Variants in SIL1 observed in about 807,000 individuals in gnomAD.
SIL1 encodes SIL1 nucleotide exchange factor.
In SIL1, 40 loss-of-function variants were observed where a neutral mutation model predicts 49.1. The ratio of observed to expected loss-of-function variants is 0.81; its 90% CI spans 0.63 to 1.06. SIL1 has a LOEUF of 1.06. Ranked by LOEUF, SIL1 falls within the 50% of genes least tolerant of loss-of-function variation. SIL1 has a pLI of 0.00. For synonymous variants in SIL1, 253 were observed against 250.8 expected, an observed-to-expected ratio of 1.01 and a Z score of -0.08; for missense variants, 500 against 572.6, an observed-to-expected ratio of 0.87 and a Z score of 1.29.
intron 3 of SIL1, among the ~76,000 whole-genome samples, chr5:139,075,341 C>T (rs910456023): frequency 5.3e-5 from 8 of 152,146 alleles, no homozygotes; most frequent in African/African-American, 1.9e-4. Context: ...TATTTTCCCT[C>T]TGCAGCAGGA....
chr5:138,962,089 C>G (rs1767032287), intron 7 of SIL1, among the ~76,000 whole-genome samples: 1 of 151,146 alleles, frequency 6.6e-6, no homozygotes, highest in African/African-American at 2.4e-5. Context: ...AGAATTAAAG[C>G]AAGTGAAGAA....
chr5:139,095,092 T>G (rs890789600), intron 3 of SIL1, among the ~76,000 whole-genome samples: 9 of 152,178 alleles, frequency 5.9e-5, no homozygotes, highest in African/African-American at 2.2e-4. Flanking sequence ...CTGGCTCACT[T>G]GATACCCTTG....
At chr5:139,066,992 T>C (rs762876789) in intron 3 of SIL1, among the ~76,000 whole-genome samples, 3 of 152,210 alleles carry the variant, frequency 2.0e-5, no homozygotes, top group African/African-American at 7.2e-5. Flanking sequence ...TTTTCCCCAA[T>C]AGATTGTATT....
chr5:139,040,951 A>C (rs1769034782), intron 5 of SIL1, among the ~76,000 whole-genome samples: 1 of 152,214 alleles, frequency 6.6e-6, no homozygotes, highest in African/African-American at 2.4e-5. Context: ...CTCCCAGGGA[A>C]AGCAAAGAGA....
At chr5:139,197,238 A>C (rs955838172) in intron 1 of SIL1, among the ~76,000 whole-genome samples, 4 of 143,426 alleles carry the variant, frequency 2.8e-5, no homozygotes, top group Non-Finnish European at 1.5e-5. Flanking sequence ...ATTGCACTCC[A>C]GCCTGAGAAA....
intron 3 of SIL1, among the ~76,000 whole-genome samples, chr5:139,089,628 G>T (rs1050581007): frequency 6.6e-6 from 1 of 152,190 alleles, no homozygotes; most frequent in Non-Finnish European, 1.5e-5. Flanking sequence ...CCATAAAAAG[G>T]CATGAAGTAT....
chr5:139,152,433 C>T (rs923502302), intron 1 of SIL1, among the ~76,000 whole-genome samples: 2 of 151,938 alleles, frequency 1.3e-5, no homozygotes, highest in East Asian at 3.9e-4. Flanking sequence ...CCAGCCTGGC[C>T]AACATGGTGA....
chr5:138,984,121 A>G (rs1294613133), intron 7 of SIL1, among the ~76,000 whole-genome samples: 2 of 152,212 alleles, frequency 1.3e-5, no homozygotes, highest in Non-Finnish European at 2.9e-5. Flanking sequence ...TTATATAACC[A>G]GCAGGCTCAA....
chr5:139,035,092 G>T, intron 5 of SIL1: 3 of 240,676 alleles, frequency 1.2e-5, no homozygotes, highest in East Asian at 1.1e-4. Flanking sequence ...TATGTCCTTT[G>T]CCCACTTTTC....
intron 1 of SIL1, chr5:139,137,376 C>G (rs562785866): frequency 7.2e-6 from 4 of 553,638 alleles, no homozygotes; most frequent in Admixed American, 5.7e-5. Context: ...GAATTCAAAG[C>G]CAGTTTGGCC....
chr5:139,132,360 C>G (rs187555231), intron 1 of SIL1, among the ~76,000 whole-genome samples: 15 of 152,310 alleles, frequency 9.8e-5, no homozygotes, highest in African/African-American at 3.6e-4. Flanking sequence ...CCTGCACACA[C>G]GCTAACACTG....
intron 1 of SIL1, among the ~76,000 whole-genome samples, chr5:139,159,217 T>C (rs1002553684): frequency 2.0e-5 from 3 of 152,124 alleles, no homozygotes; most frequent in Non-Finnish European, 2.9e-5. Flanking sequence ...CAAAGCAACA[T>C]GTCACACATG....
chr5:139,140,245 G>T (rs1395659471), intron 1 of SIL1, among the ~76,000 whole-genome samples: 1 of 151,874 alleles, frequency 6.6e-6, no homozygotes, highest in Non-Finnish European at 1.5e-5. Context: ...CCTCCAGCCT[G>T]GGCGACAGAG....
At chr5:139,055,555 A>T (rs1769385865) in intron 3 of SIL1, among the ~76,000 whole-genome samples, 1 of 151,110 alleles carries the variant, frequency 6.6e-6, no homozygotes, top group Admixed American at 6.6e-5. Context: ...TGGTTGTATC[A>T]TGTTCTGCTA....
At chr5:139,172,956 C>T (rs1048641944) in intron 1 of SIL1, among the ~76,000 whole-genome samples, 8 of 151,934 alleles carry the variant, frequency 5.3e-5, no homozygotes, top group African/African-American at 1.9e-4. Flanking sequence ...CCAAAGAAGA[C>T]AGCCTACCCT....
chr5:139,175,118 T>G (rs1221922398), intron 1 of SIL1, among the ~76,000 whole-genome samples: 1 of 152,088 alleles, frequency 6.6e-6, no homozygotes, highest in African/African-American at 2.4e-5. Context: ...GGTCAGGAGT[T>G]GGAGACCAGC....
At chr5:139,183,828 T>C (rs1752033774) in intron 1 of SIL1, among the ~76,000 whole-genome samples, 1 of 152,216 alleles carries the variant, frequency 6.6e-6, no homozygotes, top group South Asian at 2.1e-4. Flanking sequence ...TTGCACACTT[T>C]ACAATGTTTA....
intron 1 of SIL1, among the ~76,000 whole-genome samples, chr5:139,131,404 C>G (rs998789831): frequency 6.6e-6 from 1 of 152,100 alleles, no homozygotes; most frequent in Non-Finnish European, 1.5e-5. Flanking sequence ...GAAGTCATTA[C>G]CCCTCTGCCC....
chr5:139,018,962 G>C (rs916319512), intron 7 of SIL1, among the ~76,000 whole-genome samples: 1 of 152,184 alleles, frequency 6.6e-6, no homozygotes, highest in Non-Finnish European at 1.5e-5. Context: ...CTTGAAACTA[G>C]ATTGACTGTA....
Sources: allele counts gnomAD v4.1 joint callset (sites outside exome capture counted in the v4.1 genomes callset), GRCh38; gene constraint gnomAD v4.1.1; transcripts MANE v1.5; gene names NCBI Gene and HGNC (gene_info 2026-07-23, HGNC 2026-07-21).